SLC5A4: variants seen among roughly 807,000 people sequenced by gnomAD.
SLC5A4 encodes probable glucose sensor protein SLC5A4.
SLC5A4 carries 55 observed loss-of-function variants against 70.3 expected under a neutral mutation model. That is an observed-to-expected ratio of 0.78 (90% CI 0.63 to 0.98). The LOEUF is 0.98. SLC5A4 is among the 50% of genes least tolerant of loss of function. The pLI is 0.00. For synonymous variants in SLC5A4, 268 were observed against 305.7 expected (o/e 0.88, Z 1.29); for missense variants, 735 against 839.2 (o/e 0.88, Z 1.53).
chr22:32,270,622 G>T, the SLC5A4 span: 1 of 735,702 alleles, frequency 1.4e-6, no homozygotes. Context: ...GGGCCCCACG[G>T]TCTTTGCCGA....
At chr22:32,271,597 C>T in the SLC5A4 span, 2 of 681,050 alleles carry the variant, frequency 2.9e-6, no homozygotes, top group Non-Finnish European at 5.4e-6. Flanking sequence ...GTTTCCACTA[C>T]TTCGAGGACA....
chr22:32,344,347 T>C, the SLC5A4 span, among the ~76,000 whole-genome samples: 3 of 152,210 alleles, frequency 2.0e-5, no homozygotes, highest in Admixed American at 2.0e-4. Flanking sequence ...GCACATATAC[T>C]TTGATGAGCC....
At chr22:32,300,162 T>G in the SLC5A4 span, among the ~76,000 whole-genome samples, 1 of 152,216 alleles carries the variant, frequency 6.6e-6, no homozygotes, top group Non-Finnish European at 1.5e-5. Context: ...GCAGGCCTCC[T>G]TGAGCTGTGG....
chr22:32,280,505 C>T, the SLC5A4 span, among the ~76,000 whole-genome samples: 1 of 152,124 alleles, frequency 6.6e-6, no homozygotes, highest in South Asian at 2.1e-4. Flanking sequence ...CAAAAAGCCC[C>T]CTCACCCTCT....
the SLC5A4 span, among the ~76,000 whole-genome samples, chr22:32,309,239 A>G: frequency 6.6e-6 from 1 of 152,280 alleles, no homozygotes; most frequent in Non-Finnish European, 1.5e-5. Flanking sequence ...CCATACACAG[A>G]TGAGAGGGAA....
At chr22:32,290,211 C>A in the SLC5A4 span, among the ~76,000 whole-genome samples, 12 of 152,270 alleles carry the variant, frequency 7.9e-5, no homozygotes, top group South Asian at 2.5e-3. Context: ...TTAAGCCCTG[C>A]ATGCATTAGG....
At chr22:32,218,783 T>A in intron 14 of SLC5A4, 58 bp from the exon 15 acceptor site, 1 of 1,335,776 alleles carries the variant, frequency 7.5e-7, no homozygotes, top group South Asian at 1.2e-5. Context: ...GAACTAGAAA[T>A]CCTTGTCAGT....
chr22:32,229,464 T>C (rs1603226926), intron 10 of SLC5A4, 120 bp from the exon 11 acceptor site: 1 of 983,954 alleles, frequency 1.0e-6, no homozygotes, highest in Non-Finnish European at 1.5e-6. Context: ...TCCTTATCAA[T>C]ACACATCAGC....
At chr22:32,268,883 C>A in the SLC5A4 span, among the ~76,000 whole-genome samples, 1 of 152,104 alleles carries the variant, frequency 6.6e-6, no homozygotes, top group Non-Finnish European at 1.5e-5. Flanking sequence ...TTATAATATA[C>A]TATTTAAAGT....
chr22:32,292,209 ATATATATAT>A, the SLC5A4 span, among the ~76,000 whole-genome samples: 11 of 49,602 alleles, frequency 2.2e-4, 2 homozygotes, highest in African/African-American at 2.0e-3. Context: ...ATATTATATA[ATATATATAT>A]TATATTCTAT....
chr22:32,264,520 A>G, the SLC5A4 span, among the ~76,000 whole-genome samples: 2 of 152,176 alleles, frequency 1.3e-5, no homozygotes, highest in African/African-American at 4.8e-5. Context: ...ACAGTAAGCC[A>G]TGATTATGCC....
At chr22:32,319,763 C>A in the SLC5A4 span, among the ~76,000 whole-genome samples, 1 of 152,142 alleles carries the variant, frequency 6.6e-6, no homozygotes, top group Non-Finnish European at 1.5e-5. Flanking sequence ...TTATCCTTTA[C>A]CTCAAATGCA....
At chr22:32,324,012 C>T in the SLC5A4 span, among the ~76,000 whole-genome samples, 1 of 152,200 alleles carries the variant, frequency 6.6e-6, no homozygotes, top group Non-Finnish European at 1.5e-5. Context: ...AGAGCGGTGT[C>T]CCTGGAGGGC....
At chr22:32,322,028 C>T in the SLC5A4 span, among the ~76,000 whole-genome samples, 1 of 152,050 alleles carries the variant, frequency 6.6e-6, no homozygotes, top group Non-Finnish European at 1.5e-5. Flanking sequence ...GTGGGGTGGA[C>T]GGAGTAGGCT....
chr22:32,226,507 G>C (rs980347014), intron 11 of SLC5A4, among the ~76,000 whole-genome samples: 9 of 152,182 alleles, frequency 5.9e-5, no homozygotes, highest in African/African-American at 2.2e-4. Context: ...AGCAGTTGTG[G>C]GGTGGAGGAA....
chr22:32,222,486 C>T (rs1925141962), intron 13 of SLC5A4, among the ~76,000 whole-genome samples: 1 of 152,134 alleles, frequency 6.6e-6, no homozygotes, highest in East Asian at 1.9e-4. Flanking sequence ...GAGACATTAA[C>T]ATAAATCAGA....
chr22:32,254,137 C>T lies in SLC5A4; in HGVS notation c.207+5G>A, dbSNP rs762667733. 2 of 1,612,438 alleles carry T rather than the reference C, an allele frequency of 1.2e-6. No individual in the cohort carries two copies. The highest frequency in any genetic ancestry group is 2.2e-5 in the South Asian group (2 of 91,052). ...TTTATCTCCAGAAAACTTCGATCCACTTACCGGCCACCAGGCCATATCACG... is the reference window on the plus strand; with the variant it reads ...TTTATCTCCAGAAAACTTCGATCCATTTACCGGCCACCAGGCCATATCACG... On this transcript the variant is annotated splice_donor_5th_base_variant and intron_variant, in intron 2 of 14. Transcript: ENST00000266086.
the SLC5A4 span, among the ~76,000 whole-genome samples, chr22:32,307,677 G>A: frequency 3.2e-4 from 48 of 152,338 alleles, no homozygotes; most frequent in Middle Eastern, 3.4e-3. Context: ...AGTGTGGGAC[G>A]TGTTGGTGCT....
At chr22:32,320,941 G>T in the SLC5A4 span, among the ~76,000 whole-genome samples, 3 of 152,290 alleles carry the variant, frequency 2.0e-5, no homozygotes, top group East Asian at 5.8e-4. Context: ...GGTCTTCAGG[G>T]GCAACCCGTC....
Sources: allele counts gnomAD v4.1 joint callset (sites outside exome capture counted in the v4.1 genomes callset), GRCh38; gene constraint gnomAD v4.1.1; transcripts MANE v1.5; gene names NCBI Gene and HGNC (gene_info 2026-07-23, HGNC 2026-07-21).